The following CCDC171 variants were observed in gnomAD, a reference collection of about 807,000 sequenced individuals.
CCDC171 encodes coiled-coil domain containing 171.
CCDC171 carries 177 observed loss-of-function variants against 168.2 expected under a neutral mutation model. The ratio of observed to expected loss-of-function variants is 1.05; its 90% CI spans 0.93 to 1.19. The LOEUF is 1.19. CCDC171 is among the 50% of genes most tolerant of loss of function. The pLI is 0.00. For missense variants in CCDC171, 1,991 were observed against 1,539.0 expected (o/e 1.29, Z -4.91); for synonymous variants, 687 against 540.8 (o/e 1.27, Z -3.75).
At chr9:16,072,631 C>A in the CCDC171 span, among the ~76,000 whole-genome samples, 1 of 152,204 alleles carries the variant, frequency 6.6e-6, no homozygotes, top group Non-Finnish European at 1.5e-5. Context: ...TCTACTTGAT[C>A]TGATGCTTTA....
chr9:16,091,281 C>T, the CCDC171 span, among the ~76,000 whole-genome samples: 1 of 152,294 alleles, frequency 6.6e-6, no homozygotes, highest in East Asian at 1.9e-4. Flanking sequence ...TCCTCTCCAC[C>T]CTCACCCCAC....
intron 21 of CCDC171, among the ~76,000 whole-genome samples, chr9:15,818,430 G>C (rs748074332): frequency 8.6e-6 from 1 of 116,654 alleles, no homozygotes. Context: ...GAATGGCAAA[G>C]AAGTTAAAAA....
chr9:16,098,024 C>T, the CCDC171 span, among the ~76,000 whole-genome samples: 2 of 152,102 alleles, frequency 1.3e-5, no homozygotes, highest in African/African-American at 4.8e-5. Context: ...GGAGCTAGTC[C>T]GAGCTTTAAA....
chr9:16,008,844 C>G (rs183466651), intron 3 of CCDC171, among the ~76,000 whole-genome samples: 1 of 152,146 alleles, frequency 6.6e-6, no homozygotes, highest in African/African-American at 2.4e-5. Flanking sequence ...GGGTTCCACT[C>G]GCTATGCCCA....
intron 4 of CCDC171, among the ~76,000 whole-genome samples, chr9:15,585,600 G>A (rs2041492755): frequency 6.6e-6 from 1 of 152,176 alleles, no homozygotes; most frequent in South Asian, 2.1e-4. Flanking sequence ...CAGTGGATTT[G>A]ACTGGGAAAG....
intron 21 of CCDC171, among the ~76,000 whole-genome samples, chr9:15,794,179 C>T (rs911339021): frequency 2.6e-5 from 4 of 152,052 alleles, no homozygotes; most frequent in African/African-American, 9.7e-5. Context: ...AATTAAAAAT[C>T]ATGGACCGGG....
intron 3 of CCDC171, 122 bp downstream of exon 3, chr9:15,571,881 A>G (rs2040251494): frequency 1.3e-6 from 1 of 798,946 alleles, no homozygotes; most frequent in Non-Finnish European, 1.9e-6. Flanking sequence ...TAAAAAGGAA[A>G]TTGTAATAAA....
At chr9:15,745,102 C>T (rs2055178311) in intron 17 of CCDC171, among the ~76,000 whole-genome samples, 1 of 152,096 alleles carries the variant, frequency 6.6e-6, no homozygotes, top group Non-Finnish European at 1.5e-5. Flanking sequence ...AAAAACTGCC[C>T]TGTTTCAAAT....
At chr9:15,867,228 A>C (rs2061827718) in intron 23 of CCDC171, among the ~76,000 whole-genome samples, 1 of 152,094 alleles carries the variant, frequency 6.6e-6, no homozygotes, top group South Asian at 2.1e-4. Flanking sequence ...AGATGAAGAC[A>C]CTGTATAACC....
At chr9:15,809,691 C>T (rs1588634446) in intron 21 of CCDC171, among the ~76,000 whole-genome samples, 2 of 152,290 alleles carry the variant, frequency 1.3e-5, no homozygotes, top group African/African-American at 2.4e-5. Flanking sequence ...AGTGAAGCTG[C>T]AGACCTTCGT....
chr9:16,074,770 A>T, the CCDC171 span, among the ~76,000 whole-genome samples: 1 of 152,246 alleles, frequency 6.6e-6, no homozygotes, highest in Non-Finnish European at 1.5e-5. Flanking sequence ...AAGAATAAAA[A>T]TAAACTCAAA....
intron 24 of CCDC171, among the ~76,000 whole-genome samples, chr9:15,884,617 T>C (rs2131383142): frequency 6.6e-6 from 1 of 152,264 alleles, no homozygotes; most frequent in South Asian, 2.1e-4. Flanking sequence ...AAAAAGCTTG[T>C]GTGGAGAGTC....
chr9:15,854,277 C>T lies in CCDC171; in HGVS notation c.3468+5330C>T, dbSNP rs547454560. Among the ~76,000 whole-genome samples the T allele has an allele frequency of 2.6e-5, 4 of 151,128 alleles. No individual in the cohort carries two copies. The East Asian group carries it at 5.8e-4, about 22-fold the overall frequency. ...TTTTGATACTGATTCATTCTTTTCT[C>T]GTTATAGATTTCAGATTTTGTGTTT... On this transcript the variant is annotated intron_variant, in intron 23 of 25. Coordinates refer to ENST00000380701, the MANE Select transcript of CCDC171 (RefSeq NM_173550.4).
chr9:15,745,322 T>C (rs1212726983), intron 17 of CCDC171, among the ~76,000 whole-genome samples, 193 bp from the exon 18 acceptor site: 2 of 152,230 alleles, frequency 1.3e-5, no homozygotes, highest in Non-Finnish European at 2.9e-5. Flanking sequence ...TTTTTCTGTT[T>C]ATTTGGTGTC....
intron 21 of CCDC171, among the ~76,000 whole-genome samples, chr9:15,834,401 C>T (rs1322535989): frequency 1.3e-5 from 2 of 152,032 alleles, no homozygotes; most frequent in Admixed American, 1.3e-4. Flanking sequence ...ATCATTATAC[C>T]TTTCTGTTTA....
At chr9:15,938,428 G>GA (rs963921767) in intron 25 of CCDC171, among the ~76,000 whole-genome samples, 34 of 151,132 alleles carry the variant, frequency 2.2e-4, no homozygotes, top group African/African-American at 6.8e-4. Flanking sequence ...AGTTTTCTAC[G>GA]AAAAAAAATC....
chr9:15,773,801 A>C (rs1467908273), intron 18 of CCDC171, among the ~76,000 whole-genome samples: 2 of 152,194 alleles, frequency 1.3e-5, no homozygotes, highest in Non-Finnish European at 2.9e-5. Flanking sequence ...GGGCATAATT[A>C]AACTAAAAAG....
chr9:15,989,241 A>G (rs4363289), intron 3 of CCDC171, among the ~76,000 whole-genome samples: 7,284 of 152,182 alleles, frequency 0.048, 376 homozygotes, highest in African/African-American at 0.11. Flanking sequence ...TTCCAGAGGA[A>G]CAATCAGGCA....
Position 15,931,456 on chromosome 9 carries a change from C to CTTTTTTTTTTTTTTTT in CCDC171, c.3753+11041_3753+11056dup, listed in dbSNP as rs57124025. ...GGGGTCTTTCTTTCTTTCTTTCTTT[C>CTTTTTTTTTTTTTTTT]TTTTTTTTTTTTTTTTTTTTTTGCT... On this transcript the variant is annotated intron_variant, in intron 25 of 25. Transcript: ENST00000380701. Among the ~76,000 whole-genome samples, 119 of 44,974 alleles carry CTTTTTTTTTTTTTTTT rather than the reference C, an allele frequency of 2.6e-3. 1 individual carries two copies. The highest frequency in any genetic ancestry group is 4.4e-3 in the East Asian group (6 of 1,360). The allele number at this position is 44,974 out of a possible 152,430, so 29.5% of individuals were successfully genotyped here. A position where few individuals can be genotyped will look rare whatever the true frequency, so the allele number is the denominator to read the frequency against.
Sources: gnomAD v4.1 joint callset for allele counts (sites outside exome capture counted in the v4.1 genomes callset) on GRCh38, gnomAD v4.1.1 for gene constraint, MANE v1.5 for transcripts, NCBI Gene and HGNC (gene_info 2026-07-23, HGNC 2026-07-21) for gene names.